DPH5: variants seen among roughly 807,000 people sequenced by gnomAD.
The protein encoded by DPH5 is diphthine methyl ester synthase.
A neutral mutation model predicts 31.6 loss-of-function variants in DPH5; 31 were observed. The ratio of observed to expected loss-of-function variants is 0.98; its 90% CI spans 0.74 to 1.32. The LOEUF is 1.32. Ranked by LOEUF, DPH5 falls within the 40% of genes most tolerant of loss-of-function variation. The pLI is 0.00. For synonymous variants in DPH5, 120 were observed against 115.0 expected, an observed-to-expected ratio of 1.04 and a Z score of -0.28; for missense variants, 309 against 335.7, an observed-to-expected ratio of 0.92 and a Z score of 0.62.
At chr1:101,019,236 CT>C (rs1341606923) in intron 3 of DPH5, among the ~76,000 whole-genome samples, 1 of 152,132 alleles carries the variant, frequency 6.6e-6, no homozygotes, top group Non-Finnish European at 1.5e-5. Flanking sequence ...CATTTACTTT[CT>C]TTGTGTGATC....
chr1:101,011,383 T>C (rs971422501), intron 4 of DPH5, among the ~76,000 whole-genome samples: 8 of 152,210 alleles, frequency 5.3e-5, no homozygotes, highest in Admixed American at 2.0e-4. Flanking sequence ...AGCCATTTCA[T>C]ATCCAGATTA....
At position 100,992,710 on chromosome 1, in the gene DPH5, A is replaced by C; in HGVS notation, c.561T>G (p.Tyr187Ter). ...GCTGGGCTGCTTGGTTTACACTCAT[A>C]TACCGTGGAGGTTCATAGATCTTCC... ...KGRKIYEPPR[Y>*]MSVNQAAQQL... The change falls in exon 7 of 8, where the codon TAT (tyrosine) becomes TAG (stop). Residue 187 changes from tyrosine (Y) to a stop codon, truncating the protein, a stop_gained. Coordinates refer to ENST00000370109, the MANE Select transcript of DPH5 (RefSeq NM_015958.3). LOFTEE classifies it high-confidence loss of function. 4 of 1,613,904 alleles carry C rather than the reference A, an allele frequency of 2.5e-6. No individual in the cohort carries two copies. The highest frequency in any genetic ancestry group is 3.4e-6 in the Non-Finnish European group (4 of 1,179,870).
chr1:101,023,303 T>C (rs893627905), intron 2 of DPH5: 1 of 152,186 alleles, frequency 6.6e-6, no homozygotes, highest in Admixed American at 6.5e-5. Context: ...TGCATGAACT[T>C]AGGCAAGTTT....
At position 101,025,356 on chromosome 1, in the gene DPH5, A is replaced by C; in HGVS notation, c.88T>G (p.Tyr30Asp). The C allele has an allele frequency of 6.2e-7, 1 of 1,614,162 alleles. No homozygotes were observed. ...AGGACTGAGGTGTAGGCTTCCAGAT[A>C]CACTCGACTGCAGCGTCTAACAACT... ...LEVVRRCSRV[Y>D]LEAYTSVLTV... The change falls in exon 2 of 8, where the codon TAT (tyrosine) becomes GAT (aspartate). Residue 30 changes from tyrosine to aspartate, a missense_variant. By Grantham distance (160) the Tyr-to-Asp change is radical. Coordinates refer to ENST00000370109, the MANE Select transcript of DPH5 (RefSeq NM_015958.3).
chr1:101,013,788 T>G lies in DPH5; in HGVS notation c.291A>C (p.Arg97Ser). 1 of 1,613,198 alleles carries G rather than the reference T, an allele frequency of 6.2e-7. No individual in the cohort carries two copies. The highest frequency in any genetic ancestry group is 8.5e-7 in the Non-Finnish European group (1 of 1,179,554). The change falls in exon 4 of 8, where the codon AGA becomes AGC. Residue 97 changes from arginine to serine, a missense_variant. Transcript: ENST00000370109. ...TATAAGGAATTCCCAGCTTTGTTGC[T>G]CTTAGAACAAGATCACTGTGTGTTG... ...GATTHSDLVL[R>S]ATKLGIPYRV...
intron 2 of DPH5, among the ~76,000 whole-genome samples, chr1:101,023,787 T>C (rs1660637270): frequency 6.6e-6 from 1 of 152,208 alleles, no homozygotes; most frequent in South Asian, 2.1e-4. Flanking sequence ...GTTAAGAACC[T>C]ATGCTAAGAA....
chr1:100,998,262 G>A (rs1658546700), intron 5 of DPH5, among the ~76,000 whole-genome samples: 1 of 152,188 alleles, frequency 6.6e-6, no homozygotes, highest in African/African-American at 2.4e-5. Context: ...CATCATCCCA[G>A]CACTTTGGGA....
chr1:101,009,483 G>T (rs893930285), intron 4 of DPH5, among the ~76,000 whole-genome samples: 2 of 152,138 alleles, frequency 1.3e-5, no homozygotes, highest in African/African-American at 4.8e-5. Context: ...AGGCAGAAAT[G>T]GCTCTCTACA....
intron 5 of DPH5, among the ~76,000 whole-genome samples, chr1:100,999,060 GATCCA>G (rs1265255256): frequency 6.6e-6 from 1 of 152,176 alleles, no homozygotes; most frequent in Non-Finnish European, 1.5e-5. Flanking sequence ...GGCCAGATGT[GATCCA>G]TGGGTACTTG....
At chr1:101,018,631 G>A (rs750893019) in intron 3 of DPH5, among the ~76,000 whole-genome samples, 8 of 152,278 alleles carry the variant, frequency 5.3e-5, no homozygotes, top group East Asian at 1.9e-4. Flanking sequence ...ATGATATAGC[G>A]CAAATGACGT....
chr1:100,995,205 T>C (rs1658237957), intron 5 of DPH5, 56 bp from the exon 6 acceptor site: 2 of 1,278,116 alleles, frequency 1.6e-6, no homozygotes, highest in African/African-American at 1.5e-5. Context: ...TCCAAAACCC[T>C]ATGTGTAAAC....
At chr1:101,008,125 T>C (rs1659370778) in intron 4 of DPH5, among the ~76,000 whole-genome samples, 1 of 152,250 alleles carries the variant, frequency 6.6e-6, no homozygotes, top group Admixed American at 6.5e-5. Flanking sequence ...GGCTGGCTTT[T>C]TGGCTTCCAA....
intron 3 of DPH5, among the ~76,000 whole-genome samples, chr1:101,018,527 A>G (rs1660241867): frequency 6.6e-6 from 1 of 152,198 alleles, no homozygotes; most frequent in Admixed American, 6.5e-5. Context: ...AGCATGAGCC[A>G]CTGCGCCGGC....
intron 5 of DPH5, among the ~76,000 whole-genome samples, chr1:100,997,131 C>G (rs1261079758): frequency 1.3e-5 from 2 of 152,190 alleles, no homozygotes; most frequent in Non-Finnish European, 2.9e-5. Context: ...TCCTTCCTGC[C>G]TCTCCATACA....
chr1:101,009,337 G>A (rs1272291560), intron 4 of DPH5, among the ~76,000 whole-genome samples: 2 of 152,160 alleles, frequency 1.3e-5, no homozygotes, highest in Non-Finnish European at 2.9e-5. Context: ...GAAGCCAATC[G>A]AGCAGTAGTA....
intron 3 of DPH5, among the ~76,000 whole-genome samples, chr1:101,017,395 G>A (rs747032015): frequency 2.0e-5 from 3 of 152,142 alleles, no homozygotes; most frequent in African/African-American, 7.2e-5. Flanking sequence ...GTGTGTATGC[G>A]TATGTACGTA....
chr1:101,021,642 CAA>C lies in DPH5; in HGVS notation c.257_258del (p.Phe86TrpfsTer7). The C allele has an allele frequency of 6.2e-7, 1 of 1,611,486 alleles. No homozygotes were observed. Among genetic ancestry groups the C allele is most frequent in the Non-Finnish European group, 8.5e-7 (1 of 1,178,494 alleles). On this transcript the variant is annotated frameshift_variant and splice_region_variant, in exon 3 of 8. Transcript: ENST00000370109. LOFTEE classifies it high-confidence loss of function. The stretch of plus-strand genomic sequence containing the variant: ...CTCAAAATATCTGCCTTGACTTACC[CAA>C]ATGGATCACCAACCACAAGGAATGC... ...DVAFLVVGDP[F>X]GATTHSDLVL...
Position 100,992,634 on chromosome 1 carries a change from T to C in DPH5, c.634+3A>G, listed in dbSNP as rs1486086804. 1 of 1,612,116 alleles carries C rather than the reference T, an allele frequency of 6.2e-7. No homozygotes were observed. Among genetic ancestry groups the C allele is most frequent in the South Asian group, 1.1e-5 (1 of 91,014 alleles). On this transcript the variant is annotated splice_donor_region_variant and intron_variant, in intron 7 of 7. Transcript: ENST00000370109. Reference sequence around the variant, plus strand: ...ATGAGAGCCCTTCTAGTGTCTTGAGTACCTGGTTCTTCTCCTCGTATTCTT... The same window carrying C: ...ATGAGAGCCCTTCTAGTGTCTTGAGCACCTGGTTCTTCTCCTCGTATTCTT...
intron 3 of DPH5, among the ~76,000 whole-genome samples, chr1:101,015,560 T>C (rs982422859): frequency 7.2e-5 from 11 of 152,210 alleles, no homozygotes; most frequent in African/African-American, 2.7e-4. Context: ...TAAGGCTATA[T>C]ATATGAGCAC....
Sources: gnomAD v4.1 joint callset for allele counts (sites outside exome capture counted in the v4.1 genomes callset) on GRCh38, gnomAD v4.1.1 for gene constraint, MANE v1.5 for transcripts, NCBI Gene and HGNC (gene_info 2026-07-23, HGNC 2026-07-21) for gene names.